The following TIAM2 variants were observed in gnomAD, a reference collection of about 807,000 sequenced individuals.
TIAM2 encodes TIAM Rac1 associated GEF 2.
Under a neutral mutation model 152.9 loss-of-function variants are expected in TIAM2, and 80 were observed. The ratio of observed to expected loss-of-function variants is 0.52; its 90% CI spans 0.44 to 0.63. TIAM2 has a LOEUF of 0.63. TIAM2 is among the 30% of genes least tolerant of loss of function. The pLI, the probability that TIAM2 is intolerant of heterozygous loss-of-function variation, is 0.00. For synonymous variants in TIAM2, 804 were observed against 838.0 expected (o/e 0.96, Z 0.70); for missense variants, 1,965 against 2,120.1 (o/e 0.93, Z 1.44).
chr6:155,045,840 C>CTTTTTTTTTTTTTTTTTTTTTTTTTTTTT (rs11354850), intron 1 of TIAM2, among the ~76,000 whole-genome samples: 2 of 60,500 alleles, frequency 3.3e-5, no homozygotes, highest in African/African-American at 6.8e-5. Flanking sequence ...ATAGTGCCCT[C>CTTTTTTTTTTTTTTTTTTTTTTTTTTTTT]TTTTTTTTTT....
At chr6:155,069,342 C>T (rs1562306914) in intron 1 of TIAM2, among the ~76,000 whole-genome samples, 2 of 152,132 alleles carry the variant, frequency 1.3e-5, no homozygotes, top group African/African-American at 2.4e-5. Context: ...GATCCTCCCA[C>T]CTCAGCCTCC....
chr6:155,152,679 T>C (rs1341456269), intron 7 of TIAM2, among the ~76,000 whole-genome samples: 1 of 152,156 alleles, frequency 6.6e-6, no homozygotes, highest in Admixed American at 6.5e-5. Flanking sequence ...AATCTCATCC[T>C]GACCATAATC....
chr6:155,146,852 C>T (rs919499359), intron 6 of TIAM2, among the ~76,000 whole-genome samples: 1 of 150,596 alleles, frequency 6.6e-6, no homozygotes, highest in South Asian at 2.1e-4. Flanking sequence ...CTCCTGACCT[C>T]AAGTGACCTG....
At chr6:155,105,030 C>T (rs1203734475) in intron 2 of TIAM2, among the ~76,000 whole-genome samples, 1 of 152,114 alleles carries the variant, frequency 6.6e-6, no homozygotes, top group African/African-American at 2.4e-5. Context: ...AGTCATGGCT[C>T]ACTGCAGCCT....
intron 1 of TIAM2, among the ~76,000 whole-genome samples, chr6:155,004,395 G>A (rs1374274604): frequency 2.0e-5 from 3 of 152,056 alleles, no homozygotes; most frequent in Non-Finnish European, 4.4e-5. Context: ...CCATCTTTCT[G>A]TTTTTGTTTG....
Position 155,037,278 on chromosome 6 carries a change from A to C in TIAM2, c.-209+41786A>C, listed in dbSNP as rs570007760. Among the ~76,000 whole-genome samples the C allele has an allele frequency of 6.6e-5, 10 of 152,280 alleles. 1 individual carries two copies. The South Asian group carries it at 1.7e-3, about 25-fold the overall frequency. ...GTTGTGAGGCTTCAATGACATAAAG[A>C]AGTTGGCAGCATAACTAGCGTATAG... is the stretch of plus-strand genomic sequence containing the variant. On this transcript the variant is annotated intron_variant, in intron 1 of 26. Coordinates refer to ENST00000682666, the MANE Select transcript of TIAM2 (RefSeq NM_012454.4).
In TIAM2 at chr6:155,047,690, A is replaced by AGAG. The variant is rs1562300103; in HGVS notation, c.-208-42598_-208-42596dup. Among the ~76,000 whole-genome samples, 30 of 30,726 alleles carry AGAG rather than the reference A, an allele frequency of 9.8e-4. 2 individuals are homozygous for AGAG. The highest frequency in any genetic ancestry group is 6.1e-3 in the African/African-American group (27 of 4,428). The allele number at this position is 30,726 out of a possible 152,430, so 20.2% of individuals were successfully genotyped here. ...GAGGAGAGAGAGAGAGAGAGAGAGG[A>AGAG]GAGAGAGAGAGAGAGCGAGAGAGAG... On this transcript the variant is annotated intron_variant, in intron 1 of 26. Coordinates refer to ENST00000682666, the MANE Select transcript of TIAM2 (RefSeq NM_012454.4).
rs117400941 is a variant in TIAM2, at chr6:155,248,922, C to T, written c.3832+743C>T. 2.9e-3 allele frequency among the ~76,000 whole-genome samples: 442 copies of T among 152,154 alleles called. 1 individual carries two copies. Among genetic ancestry groups the T allele is most frequent in the Non-Finnish European group, 4.0e-3 (273 of 68,000 alleles). ...ACTGAATAATAAATACTGAGAAGAG[C>T]GTAAATTAAACTGGCTTTTTTTCCA... On this transcript the variant is annotated intron_variant, in intron 20 of 26. Coordinates refer to ENST00000682666, the MANE Select transcript of TIAM2 (RefSeq NM_012454.4).
chr6:155,161,332 C>A (rs1294322966), intron 7 of TIAM2, among the ~76,000 whole-genome samples: 1 of 152,092 alleles, frequency 6.6e-6, no homozygotes, highest in African/African-American at 2.4e-5. Flanking sequence ...GTGCATGCCA[C>A]CATGCTTGGC....
intron 1 of TIAM2, among the ~76,000 whole-genome samples, chr6:155,034,470 G>A (rs1297965990): frequency 6.6e-6 from 1 of 152,056 alleles, no homozygotes; most frequent in African/African-American, 2.4e-5. Flanking sequence ...GGCCAGGCTG[G>A]TCTTGAAGTT....
At chr6:155,212,799 T>G (rs1449838458) in intron 15 of TIAM2, among the ~76,000 whole-genome samples, 3 of 151,960 alleles carry the variant, frequency 2.0e-5, no homozygotes, top group African/African-American at 7.3e-5. Flanking sequence ...GTGAGCGCAG[T>G]GGTGAAGGGT....
intron 1 of TIAM2, among the ~76,000 whole-genome samples, chr6:155,018,548 G>A (rs112154489): frequency 2.6e-5 from 4 of 151,370 alleles, no homozygotes; most frequent in African/African-American, 9.7e-5. Context: ...GAACCAGGGG[G>A]GCGGAACTTT....
intron 2 of TIAM2, among the ~76,000 whole-genome samples, chr6:155,114,025 TA>T (rs1778930069): frequency 2.0e-5 from 1 of 49,284 alleles, no homozygotes; most frequent in Non-Finnish European, 4.2e-5. Flanking sequence ...TATATATATA[TA>T]TATATATATA....
At chr6:155,219,378 C>T (rs1221086981) in intron 15 of TIAM2, among the ~76,000 whole-genome samples, 2 of 152,156 alleles carry the variant, frequency 1.3e-5, no homozygotes, top group African/African-American at 4.8e-5. Context: ...CTGAGCGGCT[C>T]TGCCAGCCGA....
In TIAM2 at chr6:155,130,508, C is replaced by T. The variant is rs544116582; in HGVS notation, c.1194+91C>T. On this transcript the variant is annotated intron_variant, in intron 4 of 26. Coordinates refer to ENST00000682666, the MANE Select transcript of TIAM2 (RefSeq NM_012454.4). ...AGTAGAAGCCACCATAGAGTGTTGT[C>T]GGGGTGCTTAAGTGATCTGGCAAAA... 1.0e-4 allele frequency: 124 copies of T among 1,243,754 alleles called. No homozygotes were observed. The South Asian group carries it at 1.3e-3, about 13-fold the overall frequency. 77.0% of individuals were successfully genotyped at this position (1,243,754 alleles called of 1,614,324 possible). A position where few individuals can be genotyped will look rare whatever the true frequency, so the allele number is the denominator to read the frequency against.
intron 9 of TIAM2, among the ~76,000 whole-genome samples, chr6:155,167,188 A>G (rs1421730823): frequency 6.6e-6 from 1 of 151,848 alleles, no homozygotes; most frequent in African/African-American, 2.4e-5. Flanking sequence ...CAAAAATAAT[A>G]TCAGATTTTA....
intron 1 of TIAM2, among the ~76,000 whole-genome samples, chr6:155,049,229 A>G (rs1001676142): frequency 6.6e-6 from 1 of 152,098 alleles, no homozygotes; most frequent in Non-Finnish European, 1.5e-5. Flanking sequence ...TGTGACCTCC[A>G]GGAACTCTTG....
chr6:155,140,070 G>A (rs551230473), intron 5 of TIAM2, among the ~76,000 whole-genome samples: 1 of 152,378 alleles, frequency 6.6e-6, no homozygotes, highest in Admixed American at 6.5e-5. Context: ...AAGAGCAAAT[G>A]TGATCTTTAG....
chr6:155,027,591 C>A (rs1267264042), intron 1 of TIAM2, among the ~76,000 whole-genome samples: 2 of 79,780 alleles, frequency 2.5e-5, no homozygotes, highest in Non-Finnish European at 4.7e-5. Context: ...TACTGTGTTA[C>A]ATATATACTA....
Sources: gnomAD v4.1 joint callset for allele counts (sites outside exome capture counted in the v4.1 genomes callset) on GRCh38, gnomAD v4.1.1 for gene constraint, MANE v1.5 for transcripts, NCBI Gene and HGNC (gene_info 2026-07-23, HGNC 2026-07-21) for gene names.